The following NUS1 variants were observed in gnomAD, a reference collection of about 807,000 sequenced individuals.
The protein encoded by NUS1 is NUS1 dehydrodolichyl diphosphate synthase subunit.
For synonymous variants in NUS1, 135 were observed against 155.2 expected (o/e 0.87, Z 0.97); for missense variants, 292 against 382.9 (o/e 0.76, Z 1.98).
At chr6:117,692,120 G>A (rs990855471) in intron 1 of NUS1, among the ~76,000 whole-genome samples, 5 of 151,920 alleles carry the variant, frequency 3.3e-5, no homozygotes, top group African/African-American at 1.2e-4. Flanking sequence ...CAAGAAAGTT[G>A]GAAATTCTAC....
intron 4 of NUS1, among the ~76,000 whole-genome samples, chr6:117,705,334 GA>G (rs1343760495): frequency 6.6e-6 from 1 of 152,178 alleles, no homozygotes; most frequent in Non-Finnish European, 1.5e-5. Context: ...GAGTGGTTTG[GA>G]GGGAAGAACA....
intron 4 of NUS1, among the ~76,000 whole-genome samples, chr6:117,705,226 G>T (rs1773482549): frequency 6.6e-6 from 1 of 152,142 alleles, no homozygotes; most frequent in African/African-American, 2.4e-5. Context: ...GTTTCTTTAT[G>T]GTGGGAGTAT....
At chr6:117,695,016 A>C (rs1773295802) in intron 3 of NUS1, among the ~76,000 whole-genome samples, 1 of 151,844 alleles carries the variant, frequency 6.6e-6, no homozygotes, top group Admixed American at 6.6e-5. Context: ...GCAACATAGC[A>C]AAACCCCATC....
chr6:117,688,066 TA>T (rs1308582675), intron 1 of NUS1, among the ~76,000 whole-genome samples: 3 of 151,672 alleles, frequency 2.0e-5, no homozygotes, highest in Non-Finnish European at 2.9e-5. Flanking sequence ...AAATAAAAAA[TA>T]AAAAAATTAG....
intron 3 of NUS1, among the ~76,000 whole-genome samples, chr6:117,696,572 A>G (rs777508748): frequency 1.5e-4 from 23 of 152,302 alleles, no homozygotes; most frequent in Middle Eastern, 3.4e-3. Flanking sequence ...CTGGCAGCAG[A>G]CTTTTCAGTA....
intron 3 of NUS1, among the ~76,000 whole-genome samples, chr6:117,698,387 A>T (rs776051595): frequency 6.6e-6 from 1 of 152,140 alleles, no homozygotes; most frequent in South Asian, 2.1e-4. Flanking sequence ...GGCTGCTATG[A>T]GTAACTATAT....
At chr6:117,683,804 A>C (rs1212839167) in intron 1 of NUS1, among the ~76,000 whole-genome samples, 1 of 152,256 alleles carries the variant, frequency 6.6e-6, no homozygotes, top group East Asian at 1.9e-4. Context: ...TTGATTATAC[A>C]TTTCACATAC....
intron 1 of NUS1, among the ~76,000 whole-genome samples, chr6:117,686,371 T>C (rs1325996359): frequency 6.6e-6 from 1 of 152,126 alleles, no homozygotes; most frequent in Non-Finnish European, 1.5e-5. Context: ...CAAAATTTAG[T>C]TGTATAGTGG....
intron 1 of NUS1, among the ~76,000 whole-genome samples, chr6:117,682,600 C>A (rs1331863615): frequency 6.6e-6 from 1 of 152,180 alleles, no homozygotes; most frequent in Non-Finnish European, 1.5e-5. Flanking sequence ...CTCAATCAAT[C>A]AATCAATAAA....
At chr6:117,684,018 T>A (rs1461698517) in intron 1 of NUS1, among the ~76,000 whole-genome samples, 2 of 152,220 alleles carry the variant, frequency 1.3e-5, no homozygotes, top group Non-Finnish European at 2.9e-5. Flanking sequence ...CTACTCTGTT[T>A]TCTTCTAATC....
chr6:117,693,178 G>A lies in NUS1; in HGVS notation c.541+11G>A. 2 of 1,607,734 alleles carry A rather than the reference G, an allele frequency of 1.2e-6. No individual in the cohort carries two copies. The highest frequency in any genetic ancestry group is 2.2e-5 in the South Asian group (2 of 89,686). On this transcript the variant is annotated intron_variant, in intron 2 of 4. Coordinates refer to ENST00000368494, the MANE Select transcript of NUS1 (RefSeq NM_138459.5). ...ACAAAGATGATCAAGGTAAGCATGA[G>A]TGTATAATTGAACATGTAACATATG...
At chr6:117,702,703 A>T (rs1773428808) in intron 3 of NUS1, among the ~76,000 whole-genome samples, 1 of 152,118 alleles carries the variant, frequency 6.6e-6, no homozygotes, top group Non-Finnish European at 1.5e-5. Flanking sequence ...CTCTACCAGT[A>T]TGGACTTTTA....
intron 3 of NUS1, among the ~76,000 whole-genome samples, chr6:117,702,917 T>A (rs1773431500): frequency 6.6e-6 from 1 of 152,168 alleles, no homozygotes; most frequent in African/African-American, 2.4e-5. Flanking sequence ...CTCTTCAAAT[T>A]TTATTTTTAA....
At chr6:117,680,071 G>A (rs893832631) in intron 1 of NUS1, among the ~76,000 whole-genome samples, 7 of 152,136 alleles carry the variant, frequency 4.6e-5, no homozygotes, top group Admixed American at 6.5e-5. Flanking sequence ...TAGACTAAAA[G>A]ATCTATTATA....
At chr6:117,686,669 A>G (rs776567250) in intron 1 of NUS1, among the ~76,000 whole-genome samples, 7 of 152,224 alleles carry the variant, frequency 4.6e-5, no homozygotes, top group Non-Finnish European at 8.8e-5. Context: ...TTTACATAAA[A>G]TAACTTTTGT....
chr6:117,682,811 T>C (rs938646244), intron 1 of NUS1, among the ~76,000 whole-genome samples: 1 of 152,204 alleles, frequency 6.6e-6, no homozygotes, highest in African/African-American at 2.4e-5. Context: ...AACCGTTACA[T>C]TATTTTGATT....
At chr6:117,688,265 T>C (rs1487842484) in intron 1 of NUS1, among the ~76,000 whole-genome samples, 4 of 152,170 alleles carry the variant, frequency 2.6e-5, no homozygotes, top group African/African-American at 9.6e-5. Flanking sequence ...GCACAATGGC[T>C]TGGAGCAGTG....
intron 3 of NUS1, among the ~76,000 whole-genome samples, chr6:117,694,573 C>T (rs1773288774): frequency 6.6e-6 from 1 of 152,080 alleles, no homozygotes; most frequent in Admixed American, 6.5e-5. Flanking sequence ...GGAATATAAT[C>T]TTACTGTTAC....
intron 1 of NUS1, among the ~76,000 whole-genome samples, chr6:117,677,150 A>C (rs1312120371): frequency 2.6e-5 from 4 of 152,224 alleles, no homozygotes; most frequent in Non-Finnish European, 5.9e-5. Context: ...AACCTAAAGC[A>C]CTGTGCTAGG....
Sources: allele counts gnomAD v4.1 joint callset (sites outside exome capture counted in the v4.1 genomes callset), GRCh38; gene constraint gnomAD v4.1.1; transcripts MANE v1.5; gene names NCBI Gene and HGNC (gene_info 2026-07-23, HGNC 2026-07-21).